CTBP2: variants seen among roughly 807,000 people sequenced by gnomAD.
CTBP2 encodes the protein C-terminal-binding protein 2.
A neutral mutation model predicts 80.3 loss-of-function variants in CTBP2; 30 were observed. That is an observed-to-expected ratio of 0.37 (90% confidence interval 0.28 to 0.51). The LOEUF is 0.51. Ranked by LOEUF, CTBP2 falls within the 20% of genes least tolerant of loss-of-function variation. The pLI is 0.93. For missense variants in CTBP2, 1,212 were observed against 1,375.3 expected, an observed-to-expected ratio of 0.88 and a Z score of 1.88; for synonymous variants, 594 against 587.4, an observed-to-expected ratio of 1.01 and a Z score of -0.16.
intron 1 of CTBP2, chr10:125,006,017 A>G: frequency 1.4e-6 from 2 of 1,422,756 alleles, no homozygotes; most frequent in South Asian, 1.5e-5. Context: ...TTGTCACAAG[A>G]TGTCCATCCG....
At chr10:125,083,176 T>G (rs974215853) in intron 2 of CTBP2, among the ~76,000 whole-genome samples, 3 of 152,188 alleles carry the variant, frequency 2.0e-5, no homozygotes, top group Non-Finnish European at 4.4e-5. Context: ...AATTCTGCCT[T>G]CACGTCGCAA....
intron 1 of CTBP2, among the ~76,000 whole-genome samples, chr10:125,147,973 T>A (rs1237446414): frequency 6.6e-6 from 1 of 152,160 alleles, no homozygotes; most frequent in African/African-American, 2.4e-5. Flanking sequence ...CACTACTTCA[T>A]TGAATCCTTA....
chr10:125,060,130 T>C (rs1964672901), intron 2 of CTBP2, among the ~76,000 whole-genome samples: 1 of 152,170 alleles, frequency 6.6e-6, no homozygotes, highest in Admixed American at 6.5e-5. Context: ...ATATGGAGAA[T>C]GTGAACATAT....
intron 2 of CTBP2, among the ~76,000 whole-genome samples, chr10:125,060,028 C>A (rs1002021287): frequency 1.3e-5 from 2 of 152,182 alleles, no homozygotes; most frequent in African/African-American, 4.8e-5. Flanking sequence ...TCATCCTTCC[C>A]GGGGGCCAAA....
intron 1 of CTBP2, among the ~76,000 whole-genome samples, chr10:125,138,763 T>G (rs1440311912): frequency 6.6e-6 from 1 of 151,802 alleles, no homozygotes; most frequent in Admixed American, 6.6e-5. Flanking sequence ...CCTTTCAGGC[T>G]CCAGAACTAC....
Position 124,989,293 on chromosome 10 carries a change from C to T in CTBP2, c.*225G>A, listed in dbSNP as rs77609592. 5.3e-6 allele frequency: 3 copies of T among 562,398 alleles called. No individual in the cohort carries two copies. Among genetic ancestry groups the T allele is most frequent in the Non-Finnish European group, 6.4e-6 (2 of 314,798 alleles). The allele number at this position is 562,398 out of a possible 1,614,324, so 34.8% of individuals were successfully genotyped here. A position where few individuals can be genotyped will look rare whatever the true frequency, so the allele number is the denominator to read the frequency against. ...AGATGAAAAACTTAACACACAATAA[C>T]AGAAGTTGGTCGTTAATAAATCACA... On this transcript the variant is annotated 3_prime_UTR_variant, in exon 9 of 9. Transcript: ENST00000309035.
In CTBP2 at chr10:125,066,122, T is replaced by C. The variant is rs1844593905; in HGVS notation, c.-101-26967A>G. 1.3e-5 allele frequency among the ~76,000 whole-genome samples: 2 copies of C among 150,940 alleles called. No homozygotes were observed. Among genetic ancestry groups the C allele is most frequent in the Non-Finnish European group, 2.9e-5 (2 of 67,892 alleles). On this transcript the variant is annotated intron_variant, in intron 2 of 10. Transcript: ENST00000337195. This position sits in a 1 kb window ranked among gnomAD's most constrained non-coding sequence, Gnocchi z 4.1. Reference sequence around the variant, plus strand: ...CTTGATGGTGAACTCCCTCTAATGCTCAGGCTGATGTCCTAACACCCAGGA... The same window carrying C: ...CTTGATGGTGAACTCCCTCTAATGCCCAGGCTGATGTCCTAACACCCAGGA...
intron 2 of CTBP2, among the ~76,000 whole-genome samples, chr10:125,106,997 T>C (rs1164409288): frequency 2.0e-5 from 3 of 152,226 alleles, no homozygotes; most frequent in African/African-American, 4.8e-5. Context: ...ACTAGGTTGC[T>C]GAGATGCTCA....
intron 2 of CTBP2, among the ~76,000 whole-genome samples, chr10:125,063,330 C>T (rs12414127): frequency 0.078 from 11,904 of 152,178 alleles, 663 homozygotes; most frequent in African/African-American, 0.16. Context: ...TTTATTTCTC[C>T]GCAAGCCACA....
intron 1 of CTBP2, among the ~76,000 whole-genome samples, chr10:125,156,814 A>T (rs967694331): frequency 2.6e-5 from 4 of 152,208 alleles, no homozygotes; most frequent in Admixed American, 1.3e-4. Flanking sequence ...CCAGACTTAA[A>T]AAGTAAAATT....
intron 2 of CTBP2, among the ~76,000 whole-genome samples, chr10:125,040,483 C>G: frequency 1.5e-5 from 2 of 136,552 alleles, no homozygotes; most frequent in Admixed American, 7.4e-5. Flanking sequence ...AAAAAGGTGG[C>G]TTGAATCTCA....
chr10:125,028,237 T>A (rs1957856590), upstream of CTBP2, among the ~76,000 whole-genome samples: 1 of 152,168 alleles, frequency 6.6e-6, no homozygotes. Context: ...AGGTTTATAC[T>A]CCCTCTTCCA....
chr10:124,993,528 G>C (rs112292738), intron 6 of CTBP2, among the ~76,000 whole-genome samples, 199 bp from the exon 9 acceptor site: 3 of 152,230 alleles, frequency 2.0e-5, no homozygotes, highest in African/African-American at 7.2e-5. Context: ...CCGTATAATT[G>C]GTAGATCAAA....
At chr10:125,048,522 G>A (rs1475668911) in intron 2 of CTBP2, among the ~76,000 whole-genome samples, 1 of 152,204 alleles carries the variant, frequency 6.6e-6, no homozygotes, top group Non-Finnish European at 1.5e-5. Flanking sequence ...TGCAGCGCCA[G>A]CGCCTACTTG....
At chr10:125,091,204 T>TGGTC (rs1483117297) in intron 2 of CTBP2, among the ~76,000 whole-genome samples, 1 of 152,174 alleles carries the variant, frequency 6.6e-6, no homozygotes, top group Non-Finnish European at 1.5e-5. Flanking sequence ...AGAGGCCTAC[T>TGGTC]GGTCTGCAGA....
chr10:125,022,301 CAT>C (rs1230801686), intron 1 of CTBP2, among the ~76,000 whole-genome samples: 2 of 152,240 alleles, frequency 1.3e-5, no homozygotes, highest in African/African-American at 4.8e-5. Flanking sequence ...GCCTGCTATA[CAT>C]AGTCACAGTT....
chr10:125,099,601 TCCTG>T (rs1321866987), intron 2 of CTBP2, among the ~76,000 whole-genome samples: 33 of 152,284 alleles, frequency 2.2e-4, no homozygotes, highest in Admixed American at 2.0e-3. Context: ...AAGCAATGCT[TCCTG>T]CCTTAGAAAA....
At chr10:125,050,750 C>A (rs1282066761) in intron 2 of CTBP2, among the ~76,000 whole-genome samples, 1 of 152,174 alleles carries the variant, frequency 6.6e-6, no homozygotes, top group Non-Finnish European at 1.5e-5. Flanking sequence ...ACGAGTACAC[C>A]ACCCCATTTT....
chr10:125,009,306 C>T (rs1955602022), intron 1 of CTBP2, among the ~76,000 whole-genome samples: 1 of 152,204 alleles, frequency 6.6e-6, no homozygotes, highest in Non-Finnish European at 1.5e-5. Context: ...TGCAGGTGGC[C>T]TGGGAGGCAG....
Sources: allele counts gnomAD v4.1 joint callset (sites outside exome capture counted in the v4.1 genomes callset), GRCh38; gene constraint gnomAD v4.1.1; non-coding constraint Gnocchi (gnomAD v3.1); transcripts MANE v1.5; gene names NCBI Gene and HGNC (gene_info 2026-07-23, HGNC 2026-07-21).